The following PKHD1L1 variants were observed in gnomAD, a reference collection of about 807,000 sequenced individuals.
PKHD1L1 encodes fibrocystin-L.
In PKHD1L1, 434 loss-of-function variants were observed where a neutral mutation model predicts 462.9. The observed-to-expected ratio is 0.94, with a 90% CI of 0.87 to 1.02. The LOEUF (loss-of-function observed/expected upper bound fraction) is 1.02, where lower values mean the gene tolerates loss of function less well. PKHD1L1 is among the 50% of genes least tolerant of loss of function. The pLI is 0.00. For synonymous variants in PKHD1L1, 1,781 were observed against 1,750.0 expected (o/e 1.02, Z -0.44); for missense variants, 5,202 against 5,096.1 (o/e 1.02, Z -0.63).
Position 109,445,522 on chromosome 8 carries a change from C to G in PKHD1L1, c.5653C>G (p.Pro1885Ala). ...INPNEVYCRT[P>A]AGTTGMVDVK... ...CCCCAATGAAGTCTACTGCCGCACT[C>G]CCGCTGGGACCACTGGAATGGTCGA... is the stretch of plus-strand genomic sequence containing the variant. The change falls in exon 38 of 78, where the codon CCC becomes GCC. Residue 1885 changes from proline (P) to alanine (A), a missense_variant. Around this residue, in one of 3 missense-constraint regions of PKHD1L1, gnomAD observed 4,497 missense variants for 4,336.8 expected, o/e 1.04. Coordinates refer to ENST00000378402, the MANE Select transcript of PKHD1L1 (RefSeq NM_177531.6). 1 of 1,613,614 alleles carries G rather than the reference C, an allele frequency of 6.2e-7. No homozygotes were observed. Among genetic ancestry groups the G allele is most frequent in the South Asian group, 1.1e-5 (1 of 90,992 alleles).
intron 33 of PKHD1L1, 34 bp from the exon 34 acceptor site, chr8:109,441,241 C>G (rs781135457): frequency 4.9e-5 from 67 of 1,376,004 alleles, no homozygotes; most frequent in Non-Finnish European, 1.5e-5. Flanking sequence ...AAAATGTTTG[C>G]TTTTTAAAAA....
At chr8:109,413,629 T>C in intron 21 of PKHD1L1, 84 bp downstream of exon 21, 2 of 1,232,490 alleles carry the variant, frequency 1.6e-6, no homozygotes, top group African/African-American at 1.6e-5. Context: ...TCTTGGGGTT[T>C]TTTGTTTTGG....
chr8:109,470,805 T>C (rs1817677963), intron 50 of PKHD1L1: 5 of 1,517,942 alleles, frequency 3.3e-6, no homozygotes, highest in African/African-American at 1.4e-5. Flanking sequence ...TAAGGAAGGA[T>C]GAACAAGTTG....
Position 109,442,126 on chromosome 8 carries a change from G to A in PKHD1L1, c.4324G>A (p.Val1442Ile), listed in dbSNP as rs200619099. 6.2e-7 allele frequency: 1 copy of A among 1,613,368 alleles called. No individual in the cohort carries two copies. Among genetic ancestry groups the A allele is most frequent in the South Asian group, 1.1e-5 (1 of 91,058 alleles). The change falls in exon 35 of 78, where the codon GTC (valine) becomes ATC (isoleucine). Residue 1442 changes from valine (V) to isoleucine (I), a missense_variant. Val to Ile is a conservative substitution (Grantham distance 29). Around this residue, in one of 3 missense-constraint regions of PKHD1L1, gnomAD observed 4,497 missense variants for 4,336.8 expected, o/e 1.04. Coordinates refer to ENST00000378402, the MANE Select transcript of PKHD1L1 (RefSeq NM_177531.6). ...AGGGATAGGATATAGGATTTTTTCT[G>A]TCTCCAGTCCTGGAAGTGTAATTTA... ...LRGIGYRIFS[V>I]SSPGSVIYDG... is the part of the protein sequence containing the mutation.
chr8:109,390,343 A>G (rs1476883297), intron 8 of PKHD1L1, 109 bp from the exon 9 acceptor site: 2 of 545,198 alleles, frequency 3.7e-6, no homozygotes, highest in East Asian at 3.4e-5. Flanking sequence ...GATAAATACA[A>G]TTTTGATTTT....
chr8:109,470,892 G>C lies in PKHD1L1; in HGVS notation c.8605+4123G>C, dbSNP rs551354963. 5.1e-6 allele frequency: 8 copies of C among 1,556,572 alleles called. No homozygotes were observed. The East Asian group carries it at 1.8e-4, about 35-fold the overall frequency. On this transcript the variant is annotated intron_variant, in intron 50 of 77. Coordinates refer to ENST00000378402, the MANE Select transcript of PKHD1L1 (RefSeq NM_177531.6). ...TCCTGAAATGCTAGAAACTGAGCCA[G>C]TAGAGGATGGGAAGCCTGGGGAGAG... is the stretch of plus-strand genomic sequence containing the variant.
In PKHD1L1 at chr8:109,536,485, G is replaced by A. The variant is rs1408490357; in HGVS notation, c.*6395G>A. Among the ~76,000 whole-genome samples the A allele has an allele frequency of 1.3e-5, 2 of 152,244 alleles. No individual in the cohort carries two copies. The highest frequency in any genetic ancestry group is 2.1e-4 in the South Asian group (1 of 4,820). On this transcript the variant is annotated 3_prime_UTR_variant, in exon 78 of 78. Transcript: ENST00000378402. ...TTGTATGAATTTCAATACATTTACT[G>A]TTAGAAATAACAAAAGGTCTTAGAC...
At position 109,408,580 on chromosome 8, in the gene PKHD1L1, A is replaced by G. The variant is rs1035178821; in HGVS notation, c.1971+374A>G. ...GATGTAGTGCAATAAAAGCTTAGCT[A>G]TAAAGTATTGGTTAGTTTAAATATC... On this transcript the variant is annotated intron_variant, in intron 18 of 77. Transcript: ENST00000378402. Among the ~76,000 whole-genome samples the G allele has an allele frequency of 2.6e-5, 4 of 152,210 alleles. 1 individual carries two copies. In the East Asian group the frequency reaches 5.8e-4, roughly 22 times the overall value.
intron 56 of PKHD1L1, among the ~76,000 whole-genome samples, chr8:109,482,695 T>G (rs932666604): frequency 2.6e-5 from 4 of 151,712 alleles, no homozygotes; most frequent in African/African-American, 9.7e-5. Flanking sequence ...TTCCTATTGA[T>G]GTATATTTGG....
Position 109,466,738 on chromosome 8 carries a change from T to C in PKHD1L1, c.8574T>C (p.Leu2858=), listed in dbSNP as rs774035072. ...AFNQPSPVSL[L]EKDVVLSDSF... ...ACCAGCCTTCTCCAGTATCTCTGCT[T>C]GAAAAGGATGTGGTTCTTTCAGACT... The change falls in exon 50 of 78, where the codon CTT becomes CTC. Residue 2858 remains leucine, a synonymous_variant. Coordinates refer to ENST00000378402, the MANE Select transcript of PKHD1L1 (RefSeq NM_177531.6). 3 of 1,612,874 alleles carry C rather than the reference T, an allele frequency of 1.9e-6. No homozygotes were observed. The highest frequency in any genetic ancestry group is 2.5e-6 in the Non-Finnish European group (3 of 1,179,438).
chr8:109,486,413 A>T (rs1263000160), intron 58 of PKHD1L1, among the ~76,000 whole-genome samples: 1 of 152,016 alleles, frequency 6.6e-6, no homozygotes, highest in Non-Finnish European at 1.5e-5. Flanking sequence ...CTTGCTGATT[A>T]TAATAATCAT....
intron 30 of PKHD1L1, among the ~76,000 whole-genome samples, chr8:109,436,985 G>C (rs542284246): frequency 6.6e-6 from 1 of 152,146 alleles, no homozygotes; most frequent in Non-Finnish European, 1.5e-5. Flanking sequence ...GCACGATCTC[G>C]CCTCACTGCA....
intron 20 of PKHD1L1, 91 bp downstream of exon 20, chr8:109,412,505 C>T (rs1563749562): frequency 1.5e-6 from 2 of 1,328,498 alleles, no homozygotes; most frequent in Non-Finnish European, 2.0e-6. Context: ...AAAATATTTG[C>T]CATATAAATA....
In PKHD1L1 at chr8:109,439,110, A is replaced by C. The variant is rs1815622224; in HGVS notation, c.3956+18A>C. On this transcript the variant is annotated intron_variant, in intron 32 of 77. Coordinates refer to ENST00000378402, the MANE Select transcript of PKHD1L1 (RefSeq NM_177531.6). ...TCAACAAGGTATGATAATGAACATA[A>C]ACTTGATGGAGTTGTAGAACACATG... 1 of 1,603,122 alleles carries C rather than the reference A, an allele frequency of 6.2e-7. No individual in the cohort carries two copies. The highest frequency in any genetic ancestry group is 8.5e-7 in the Non-Finnish European group (1 of 1,172,406).
chr8:109,428,023 C>CA (rs55963339), intron 25 of PKHD1L1, among the ~76,000 whole-genome samples: 6,286 of 70,068 alleles, frequency 0.09, 1,011 homozygotes, highest in South Asian at 0.17. Context: ...AACTCCGTCT[C>CA]AAAAAAAAAA....
chr8:109,462,041 T>G, intron 48 of PKHD1L1, 133 bp downstream of exon 48: 1 of 1,109,768 alleles, frequency 9.0e-7, no homozygotes, highest in Admixed American at 3.2e-5. Flanking sequence ...GTAAACAATT[T>G]TAATACACCC....
intron 75 of PKHD1L1, among the ~76,000 whole-genome samples, 154 bp from the exon 76 acceptor site, chr8:109,523,078 CT>C (rs1352010523): frequency 6.6e-6 from 1 of 152,106 alleles, no homozygotes. Flanking sequence ...CGAACTTCTG[CT>C]GCTCAGGTTT....
chr8:109,401,250 C>T (rs907506614), intron 13 of PKHD1L1, among the ~76,000 whole-genome samples: 8 of 151,914 alleles, frequency 5.3e-5, no homozygotes, highest in East Asian at 1.9e-4. Flanking sequence ...CTATGATCTG[C>T]GTAGTATACT....
chr8:109,471,007 A>G (rs1817686833), intron 50 of PKHD1L1: 29 of 1,610,470 alleles, frequency 1.8e-5, no homozygotes, highest in Non-Finnish European at 2.3e-5. Flanking sequence ...TTCACAGTCC[A>G]GTTGGGTCAC....
Sources: gnomAD v4.1 joint callset for allele counts (sites outside exome capture counted in the v4.1 genomes callset) on GRCh38, gnomAD v4.1.1 for gene constraint, gnomAD v4.1.1 regional missense constraint, MANE v1.5 for transcripts, NCBI Gene and HGNC (gene_info 2026-07-23, HGNC 2026-07-21) for gene names.